The following OPCML variants were observed in gnomAD, a reference collection of about 807,000 sequenced individuals.
The protein encoded by OPCML is opioid binding protein/cell adhesion molecule like.
In OPCML, 13 loss-of-function variants were observed where a neutral mutation model predicts 37.8. The observed-to-expected ratio is 0.34, with a 90% CI of 0.22 to 0.55. The LOEUF is 0.55. OPCML is among the 20% of genes least tolerant of loss of function. The probability of loss-of-function intolerance (pLI) is 0.91; values close to 1 mark genes in which losing one functional copy is unlikely to be tolerated. For synonymous variants in OPCML, 176 were observed against 168.8 expected, an observed-to-expected ratio of 1.04 and a Z score of -0.33; for missense variants, 341 against 435.6, an observed-to-expected ratio of 0.78 and a Z score of 1.93.
chr11:133,523,778 A>G (rs1369595598), intron 1 of OPCML, among the ~76,000 whole-genome samples: 2 of 152,066 alleles, frequency 1.3e-5, no homozygotes, highest in Non-Finnish European at 2.9e-5. Flanking sequence ...ATGCTATGGG[A>G]CTTTGCCCGT....
At chr11:132,612,629 T>C (rs1412670130) in intron 3 of OPCML, among the ~76,000 whole-genome samples, 3 of 151,954 alleles carry the variant, frequency 2.0e-5, no homozygotes, top group African/African-American at 4.8e-5. Context: ...ATGGGTCAAA[T>C]TGGGAATAAG....
intron 4 of OPCML, among the ~76,000 whole-genome samples, chr11:132,462,909 A>T (rs75169068): frequency 9.6e-4 from 146 of 152,264 alleles, no homozygotes; most frequent in African/African-American, 3.3e-3. Flanking sequence ...ATGAACAAAT[A>T]CCCAGACCTT....
At chr11:133,279,251 G>A (rs1942075031) in intron 1 of OPCML, among the ~76,000 whole-genome samples, 1 of 152,168 alleles carries the variant, frequency 6.6e-6, no homozygotes, top group African/African-American at 2.4e-5. Context: ...TCATCATGTT[G>A]TGGTTAAATG....
chr11:132,973,438 G>A (rs1387708280), intron 1 of OPCML, among the ~76,000 whole-genome samples: 1 of 152,134 alleles, frequency 6.6e-6, no homozygotes, highest in Non-Finnish European at 1.5e-5. Context: ...CAATTCAAAA[G>A]GTTTCTACTT....
chr11:133,155,364 C>T (rs1950043577), intron 1 of OPCML, among the ~76,000 whole-genome samples: 1 of 152,134 alleles, frequency 6.6e-6, no homozygotes, highest in Non-Finnish European at 1.5e-5. Flanking sequence ...CTGAAGAGCT[C>T]TAGTTTGTAA....
chr11:133,233,837 A>G (rs1940398312), intron 1 of OPCML, among the ~76,000 whole-genome samples: 1 of 152,220 alleles, frequency 6.6e-6, no homozygotes, highest in African/African-American at 2.4e-5. Flanking sequence ...AATCTCAGAA[A>G]GTAGAGGAAA....
chr11:133,045,234 C>T (rs1263725674), intron 1 of OPCML, among the ~76,000 whole-genome samples: 1 of 152,190 alleles, frequency 6.6e-6, no homozygotes, highest in Non-Finnish European at 1.5e-5. Flanking sequence ...GATTCTGATT[C>T]ATGTCACATC....
intron 4 of OPCML, among the ~76,000 whole-genome samples, chr11:132,515,572 T>G (rs948020438): frequency 3.3e-5 from 5 of 152,328 alleles, no homozygotes; most frequent in Admixed American, 6.5e-5. Flanking sequence ...CTCTTGACCC[T>G]ATTCATCTCC....
chr11:133,480,002 G>A (rs185269799), intron 1 of OPCML, among the ~76,000 whole-genome samples: 16 of 152,298 alleles, frequency 1.1e-4, no homozygotes, highest in Admixed American at 6.5e-4. Flanking sequence ...AAAGGGGAAC[G>A]TTTCTAAAAG....
chr11:132,484,645 A>G (rs936800275), intron 4 of OPCML, among the ~76,000 whole-genome samples: 3 of 152,154 alleles, frequency 2.0e-5, no homozygotes, highest in African/African-American at 7.2e-5. Context: ...ATTATTCACA[A>G]TAGCAAAGAC....
chr11:133,376,527 C>T (rs1944806880), intron 1 of OPCML, among the ~76,000 whole-genome samples: 1 of 152,056 alleles, frequency 6.6e-6, no homozygotes, highest in Non-Finnish European at 1.5e-5. Flanking sequence ...AATGTACATA[C>T]TATGTAGACA....
intron 1 of OPCML, among the ~76,000 whole-genome samples, chr11:133,166,152 GA>G (rs900574453): frequency 2.0e-5 from 3 of 152,012 alleles, no homozygotes; most frequent in Non-Finnish European, 4.4e-5. Flanking sequence ...TTGCTTTGGG[GA>G]AAAAAATATA....
intron 4 of OPCML, among the ~76,000 whole-genome samples, chr11:132,484,129 C>A (rs1215478500): frequency 6.6e-6 from 1 of 151,982 alleles, no homozygotes; most frequent in Non-Finnish European, 1.5e-5. Context: ...AGTGAACAGG[C>A]AACCTACAGA....
At chr11:132,886,499 T>G (rs1356929956) in intron 2 of OPCML, among the ~76,000 whole-genome samples, 1 of 152,232 alleles carries the variant, frequency 6.6e-6, no homozygotes, top group Non-Finnish European at 1.5e-5. Context: ...CAGCTCCAGC[T>G]GGGGGCCTCT....
chr11:133,222,472 G>A (rs897131779), intron 1 of OPCML, among the ~76,000 whole-genome samples: 2 of 152,146 alleles, frequency 1.3e-5, no homozygotes, highest in African/African-American at 2.4e-5. Flanking sequence ...CCTCACTGAC[G>A]GGCTGCAGCC....
At chr11:132,537,035 G>A (rs1478019647) in intron 3 of OPCML, among the ~76,000 whole-genome samples, 2 of 152,186 alleles carry the variant, frequency 1.3e-5, no homozygotes, top group Admixed American at 1.3e-4. Context: ...AACCCTGGGA[G>A]CCGATGGTCT....
intron 4 of OPCML, among the ~76,000 whole-genome samples, chr11:132,514,705 A>G (rs4341545): frequency 0.21 from 31,691 of 152,032 alleles, 3,379 homozygotes; most frequent in Non-Finnish European, 0.23. Flanking sequence ...CTGGGACAGA[A>G]AATCCTGCCA....
At chr11:133,306,946 G>A (rs1247245955) in intron 1 of OPCML, among the ~76,000 whole-genome samples, 2 of 152,180 alleles carry the variant, frequency 1.3e-5, no homozygotes, top group Non-Finnish European at 2.9e-5. Context: ...CTTCAGGGCA[G>A]TATCTGTGTG....
intron 4 of OPCML, among the ~76,000 whole-genome samples, chr11:132,501,236 G>A (rs995232883): frequency 2.0e-5 from 3 of 152,094 alleles, no homozygotes; most frequent in Non-Finnish European, 4.4e-5. Context: ...AACCCAAGAT[G>A]GATCAAAGAC....
Sources: gnomAD v4.1 joint callset for allele counts (sites outside exome capture counted in the v4.1 genomes callset) on GRCh38, gnomAD v4.1.1 for gene constraint, MANE v1.5 for transcripts, NCBI Gene and HGNC (gene_info 2026-07-23, HGNC 2026-07-21) for gene names.